Variants in CILK1 observed in about 807,000 individuals in gnomAD.
CILK1 encodes the protein ciliogenesis associated kinase 1.
CILK1 carries 47 observed loss-of-function variants against 79.2 expected under a neutral mutation model. That is an observed-to-expected ratio of 0.59 (90% CI 0.47 to 0.76). CILK1 has a LOEUF of 0.76. CILK1 is among the 30% of genes least tolerant of loss of function. The probability of loss-of-function intolerance (pLI) is 0.00; values close to 1 mark genes in which losing one functional copy is unlikely to be tolerated. For synonymous variants in CILK1, 266 were observed against 275.9 expected, an observed-to-expected ratio of 0.96 and a Z score of 0.36; for missense variants, 660 against 769.5, an observed-to-expected ratio of 0.86 and a Z score of 1.68.
chr6:53,001,490 G>A lies in CILK1; in HGVS notation c.*3659C>T, dbSNP rs1763942450. 6.6e-6 allele frequency: 1 copy of A among 152,434 alleles called. No homozygotes were observed. Among genetic ancestry groups the A allele is most frequent in the African/African-American group, 2.4e-5 (1 of 41,402 alleles). The allele number at this position is 152,434 out of a possible 1,614,324, so 9.4% of individuals were successfully genotyped here. On this transcript the variant is annotated 3_prime_UTR_variant, in exon 14 of 14. Coordinates refer to ENST00000676107, the MANE Select transcript of CILK1 (RefSeq NM_014920.5). ...GTGCTTTATAAATAAATATATTGTC[G>A]GTTACTCCATTGTAATCAAATCAGC...
At chr6:53,005,745 T>A (rs914000165) in intron 13 of CILK1, among the ~76,000 whole-genome samples, 2 of 152,176 alleles carry the variant, frequency 1.3e-5, no homozygotes, top group African/African-American at 4.8e-5. Context: ...GAGATGGCTG[T>A]CAGATCACCT....
intron 1 of CILK1, among the ~76,000 whole-genome samples, chr6:53,044,438 T>C (rs1447434929): frequency 6.6e-6 from 1 of 152,206 alleles, no homozygotes; most frequent in Non-Finnish European, 1.5e-5. Context: ...GTTATTGTAG[T>C]TGTAGTTACT....
At chr6:53,017,972 C>G (rs528897615) in intron 7 of CILK1, among the ~76,000 whole-genome samples, 1 of 152,164 alleles carries the variant, frequency 6.6e-6, no homozygotes, top group Admixed American at 6.5e-5. Flanking sequence ...TCCCATAGAG[C>G]GTTGTAAACA....
intron 1 of CILK1, among the ~76,000 whole-genome samples, chr6:53,050,996 T>C (rs980467317): frequency 2.6e-5 from 4 of 152,116 alleles, no homozygotes; most frequent in Non-Finnish European, 5.9e-5. Flanking sequence ...CACAGAGCTG[T>C]GGGTGGCAGA....
chr6:53,006,533 A>C lies in CILK1; in HGVS notation c.1622-96T>G. On this transcript the variant is annotated intron_variant, in intron 12 of 13. Transcript: ENST00000676107. ...AGCACTGCAGAGCAATAACAAACTA[A>C]GTTTTTACTTTTAGGGAAAAGAGCA... The C allele has an allele frequency of 2.2e-6, 3 of 1,392,030 alleles. No individual in the cohort carries two copies. The Admixed American group carries it at 5.2e-5, about 24-fold the overall frequency. 86.2% of individuals were successfully genotyped at this position (1,392,030 alleles called of 1,614,324 possible).
Position 53,032,429 on chromosome 6 carries a change from T to G in CILK1, c.278+104A>C, listed in dbSNP as rs182709977. ...ATAAAATAAAATAAAAAATAAAAAA[T>G]AAAAAAAGAAAAAAAGGAGAGAAAG... On this transcript the variant is annotated intron_variant, in intron 4 of 13. Coordinates refer to ENST00000676107, the MANE Select transcript of CILK1 (RefSeq NM_014920.5). 3.5e-3 allele frequency: 2,035 copies of G among 579,554 alleles called. 3 individuals are homozygous for G. The highest frequency in any genetic ancestry group is 5.5e-3 in the Middle Eastern group (9 of 1,626). 35.9% of individuals were successfully genotyped at this position (579,554 alleles called of 1,614,324 possible).
intron 1 of CILK1, among the ~76,000 whole-genome samples, chr6:53,054,239 C>T (rs1767689619): frequency 6.6e-6 from 1 of 152,292 alleles, no homozygotes; most frequent in Non-Finnish European, 1.5e-5. Flanking sequence ...GAATGGTCCT[C>T]TCCCTTGATG....
Position 53,012,121 on chromosome 6 carries a change from T to A in CILK1, c.1259A>T (p.Asp420Val). The A allele has an allele frequency of 6.2e-7, 1 of 1,614,196 alleles. No individual in the cohort carries two copies. Among genetic ancestry groups the A allele is most frequent in the Non-Finnish European group, 8.5e-7 (1 of 1,180,034 alleles). ...TGGACTGAAATCCAAGTCATCCAAGTCAGCCCAATCATCTGAATCCTTTGT... is the reference window on the plus strand; with the variant it reads ...TGGACTGAAATCCAAGTCATCCAAGACAGCCCAATCATCTGAATCCTTTGT... The part of the protein sequence containing the change: ...RSTKDSDDWA[D>V]LDDLDFSPSL... Residue 420 changes from aspartate (D) to valine (V), a missense_variant, in exon 10 of 14, where the codon GAC becomes GTC. Transcript: ENST00000676107.
At chr6:53,030,587 GTC>G (rs1765875923) in intron 5 of CILK1, among the ~76,000 whole-genome samples, 1 of 152,078 alleles carries the variant, frequency 6.6e-6, no homozygotes, top group Non-Finnish European at 1.5e-5. Context: ...TTTTGCCTTT[GTC>G]TCTTTTTTTA....
In CILK1 at chr6:53,032,448, G is replaced by A. The variant is rs1442727120; in HGVS notation, c.278+85C>T. On this transcript the variant is annotated intron_variant, in intron 4 of 13. Transcript: ENST00000676107. Reference sequence around the variant, plus strand: ...AAAAAATAAAAAAAGAAAAAAAGGAGAGAAAGAAAACACAAAAGCAGAAAG... The same window carrying A: ...AAAAAATAAAAAAAGAAAAAAAGGAAAGAAAGAAAACACAAAAGCAGAAAG... 4 of 816,862 alleles carry A rather than the reference G, an allele frequency of 4.9e-6. No individual in the cohort carries two copies. The South Asian group carries it at 1.5e-4, about 30-fold the overall frequency. 50.6% of individuals were successfully genotyped at this position (816,862 alleles called of 1,614,324 possible).
chr6:53,009,402 G>A, intron 12 of CILK1, 37 bp downstream of exon 12: 1 of 1,608,450 alleles, frequency 6.2e-7, no homozygotes, highest in South Asian at 1.1e-5. Context: ...CAGGGAATTT[G>A]CTTTTTGCCA....
intron 3 of CILK1, among the ~76,000 whole-genome samples, chr6:53,036,833 C>A (rs1218564243): frequency 3.9e-5 from 6 of 152,160 alleles, no homozygotes; most frequent in African/African-American, 7.2e-5. Flanking sequence ...AAAAGAATAT[C>A]ATTCTTCTCA....
At chr6:53,023,059 G>A (rs899876982) in intron 5 of CILK1, among the ~76,000 whole-genome samples, 1 of 151,684 alleles carries the variant, frequency 6.6e-6, no homozygotes, top group Non-Finnish European at 1.5e-5. Context: ...TCAGCCTCCT[G>A]AGTAGCTAGG....
chr6:53,013,828 G>A lies in CILK1; in HGVS notation c.986C>T (p.Pro329Leu), dbSNP rs1002198278. ...PVPPAQPPAKPHTRISSRQHQ... is the reference protein window; with the variant it reads ...PVPPAQPPAKLHTRISSRQHQ... ...CTGTCGTGAAGAAATTCGTGTGTGT[G>A]GCTTGGCTGGTGGCTGGGCAGGTGG... Residue 329 changes from proline to leucine, a missense_variant, in exon 9 of 14, where the codon CCA becomes CTA. Pro to Leu is a moderately conservative substitution (Grantham distance 98, BLOSUM62 -3). Transcript: ENST00000676107. 6 of 1,613,884 alleles carry A rather than the reference G, an allele frequency of 3.7e-6. No homozygotes were observed. In the Admixed American group the frequency reaches 1.0e-4, roughly 27 times the overall value.
chr6:53,005,328 A>G (rs949366673), intron 13 of CILK1, 25 bp from the exon 14 acceptor site: 1 of 1,613,844 alleles, frequency 6.2e-7, no homozygotes, highest in Non-Finnish European at 8.5e-7. Context: ...AAAGGCCGGC[A>G]TGACTGATAT....
At chr6:53,051,340 A>C (rs751788347) in intron 1 of CILK1, among the ~76,000 whole-genome samples, 10 of 152,210 alleles carry the variant, frequency 6.6e-5, no homozygotes, top group Admixed American at 1.3e-4. Flanking sequence ...AATTTTCACA[A>C]AGTTGGTGGC....
At chr6:53,036,424 T>C (rs1052573730) in intron 3 of CILK1, among the ~76,000 whole-genome samples, 3 of 152,156 alleles carry the variant, frequency 2.0e-5, no homozygotes, top group African/African-American at 2.4e-5. Flanking sequence ...ATTTTTGTTT[T>C]TGTTTTTTTA....
At chr6:53,014,063 T>A (rs1007016214) in intron 8 of CILK1, 81 bp from the exon 9 acceptor site, 1 of 1,109,306 alleles carries the variant, frequency 9.0e-7, no homozygotes, top group African/African-American at 1.5e-5. Context: ...TATATTTCAT[T>A]GTGACCAGTT....
chr6:53,052,052 TC>T (rs1477783111), intron 1 of CILK1: 1 of 152,186 alleles, frequency 6.6e-6, no homozygotes, highest in Middle Eastern at 3.2e-3. Context: ...CCTCCCCTCG[TC>T]CCACCTACCC....
Sources: allele counts gnomAD v4.1 joint callset (sites outside exome capture counted in the v4.1 genomes callset), GRCh38; gene constraint gnomAD v4.1.1; transcripts MANE v1.5; gene names NCBI Gene and HGNC (gene_info 2026-07-23, HGNC 2026-07-21).